Variants in ACLY observed in about 807,000 individuals in gnomAD.
The protein encoded by ACLY is ATP-citrate synthase.
A neutral mutation model predicts 133.0 loss-of-function variants in ACLY; 41 were observed. The observed-to-expected ratio is 0.31, with a 90% confidence interval of 0.24 to 0.40. ACLY has a LOEUF of 0.40. ACLY is among the 10% of genes least tolerant of loss of function. The pLI, the probability that ACLY is intolerant of heterozygous loss-of-function variation, is 1.00. For missense variants in ACLY, 1,046 were observed against 1,453.8 expected (o/e 0.72, Z 4.56); for synonymous variants, 495 against 549.3 (o/e 0.90, Z 1.38).
intron 8 of ACLY, among the ~76,000 whole-genome samples, 172 bp downstream of exon 8, chr17:41,906,356 T>A (rs782659267): frequency 4.6e-5 from 7 of 152,176 alleles, no homozygotes; most frequent in Non-Finnish European, 8.8e-5. Context: ...TAGAAGACAC[T>A]GGGTGCAGGA....
At chr17:41,898,859 G>A in intron 11 of ACLY, 74 bp from the exon 12 acceptor site, 1 of 1,471,294 alleles carries the variant, frequency 6.8e-7, no homozygotes, top group Non-Finnish European at 9.2e-7. Flanking sequence ...ACCCTGCAAA[G>A]GGCCTTTTAC....
Position 41,915,482 on chromosome 17 carries a change from C to T in ACLY, c.-23-1586G>A, listed in dbSNP as rs1446868640. On this transcript the variant is annotated intron_variant, in intron 1 of 28. Transcript: ENST00000352035. ...GGGCTACATTGCGCCCCCTCCCAATCGGCCAGGCTGGTGGGGCTTCAGGTT... is the reference window on the plus strand; with the variant it reads ...GGGCTACATTGCGCCCCCTCCCAATTGGCCAGGCTGGTGGGGCTTCAGGTT... 2.0e-5 allele frequency among the ~76,000 whole-genome samples: 3 copies of T among 152,318 alleles called. No individual in the cohort carries two copies. The East Asian group carries it at 5.8e-4, about 29-fold the overall frequency.
At chr17:41,920,121 G>A (rs1305739674), upstream of ACLY, among the ~76,000 whole-genome samples, 10 of 152,180 alleles carry the variant, frequency 6.6e-5, no homozygotes, top group Admixed American at 5.9e-4. Flanking sequence ...ACAGTGTTGC[G>A]ACATTTGCAG....
At chr17:41,884,169 A>T (rs1281758885) in intron 19 of ACLY, 24 bp downstream of exon 19, 20 of 1,250,548 alleles carry the variant, frequency 1.6e-5, no homozygotes, top group East Asian at 5.4e-5. Context: ...TAAAATCATA[A>T]TTTTTTTTTT....
chr17:41,899,835 A>G lies in ACLY; in HGVS notation c.1184-1050T>C, dbSNP rs545332254. ...TAGGCAGGTGGATCGCTTGAGTCCA[A>G]GAGTTCGAGACCAGCCTGGGCAACA... is the stretch of plus-strand genomic sequence containing the variant. On this transcript the variant is annotated intron_variant, in intron 11 of 28. Transcript: ENST00000352035. Among the ~76,000 whole-genome samples, 6 of 151,858 alleles carry G rather than the reference A, an allele frequency of 4.0e-5. No homozygotes were observed. The South Asian group carries it at 1.2e-3, about 32-fold the overall frequency.
At chr17:41,912,163 A>T (rs1189702765) in intron 3 of ACLY, among the ~76,000 whole-genome samples, 1 of 151,994 alleles carries the variant, frequency 6.6e-6, no homozygotes, top group Non-Finnish European at 1.5e-5. Context: ...CTTGAATTAT[A>T]TTGAGGTTAC....
intron 23 of ACLY, among the ~76,000 whole-genome samples, 179 bp from the exon 24 acceptor site, chr17:41,872,361 T>G (rs1425779731): frequency 6.6e-6 from 1 of 152,230 alleles, no homozygotes; most frequent in Non-Finnish European, 1.5e-5. Context: ...AGTCTCATTC[T>G]GTCGCCTAGG....
At position 41,874,808 on chromosome 17, in the gene ACLY, C is replaced by CATG. The variant is rs555548015; in HGVS notation, c.2488-846_2488-844dup. Among the ~76,000 whole-genome samples the CATG allele has an allele frequency of 6.3e-4, 88 of 140,528 alleles. 1 individual carries two copies. The South Asian group carries it at 0.019, about 30-fold the overall frequency. 92.2% of individuals were successfully genotyped at this position (140,528 alleles called of 152,430 possible). A position where few individuals can be genotyped will look rare whatever the true frequency, so the allele number is the denominator to read the frequency against. ...CAGGATGGTCTCAATCTCCTGACCT[C>CATG]ATGATCCGCCTGCCTCGGCCTCCCA... On this transcript the variant is annotated intron_variant, in intron 22 of 28. Transcript: ENST00000352035.
intron 1 of ACLY, among the ~76,000 whole-genome samples, chr17:41,924,133 ATTTATTTATTT>A (rs1226090134): frequency 1.0e-4 from 14 of 133,778 alleles, no homozygotes; most frequent in Non-Finnish European, 2.1e-4. Flanking sequence ...TTTTCTTTTT[ATTTATTTATTT>A]TTTATTTATT....
intron 13 of ACLY, 57 bp from the exon 14 acceptor site, chr17:41,896,706 G>A (rs2049377484): frequency 1.3e-6 from 2 of 1,491,960 alleles, no homozygotes; most frequent in Non-Finnish European, 1.8e-6. Context: ...GGAGGCTTTG[G>A]AGGGAGAGGG....
chr17:41,922,507 G>A (rs1176463600), upstream of ACLY, among the ~76,000 whole-genome samples: 1 of 151,498 alleles, frequency 6.6e-6, no homozygotes, highest in Non-Finnish European at 1.5e-5. Context: ...GGTCATCCAG[G>A]CGGGACATAA....
intron 17 of ACLY, 114 bp from the exon 18 acceptor site, chr17:41,886,422 T>C (rs1597993385): frequency 1.9e-6 from 2 of 1,077,036 alleles, no homozygotes; most frequent in Non-Finnish European, 2.6e-6. Flanking sequence ...GGGGAGAGAA[T>C]GACCAAGAGA....
At position 41,886,143 on chromosome 17, in the gene ACLY, C is replaced by A. The variant is rs201998406; in HGVS notation, c.2041G>T (p.Val681Phe). The change falls in exon 18 of 29, where the codon GTC (valine) becomes TTC (phenylalanine). Residue 681 changes from valine to phenylalanine, a missense_variant. Val to Phe is a conservative substitution (Grantham distance 50, BLOSUM62 -1). This residue lies in a region of ACLY where 575 missense variants were observed against 804.2 expected (regional missense o/e 0.71). Transcript: ENST00000352035. ...NNIISRTTDG[V>F]YEGVAIGGDR... is the part of the protein sequence containing the mutation. ...CCACCAATGGCCACGCCCTCATAGA[C>A]GCCATCCGTGGTCCGAGAGATGATA... 6.2e-7 allele frequency: 1 copy of A among 1,613,970 alleles called. No individual in the cohort carries two copies. The highest frequency in any genetic ancestry group is 8.5e-7 in the Non-Finnish European group (1 of 1,179,986).
intron 1 of ACLY, among the ~76,000 whole-genome samples, chr17:41,926,727 G>A (rs781359842): frequency 1.3e-5 from 2 of 152,112 alleles, no homozygotes; most frequent in Non-Finnish European, 2.9e-5. Context: ...GACCTCAGGT[G>A]ATCCGCCCGC....
intron 1 of ACLY, 143 bp from the exon 2 acceptor site, chr17:41,914,039 C>T: frequency 1.3e-6 from 1 of 776,550 alleles, no homozygotes; most frequent in Non-Finnish European, 2.0e-6. Flanking sequence ...AAAATGCTGT[C>T]CCAGCGGGAG....
At chr17:41,893,558 T>C (rs782011164) in intron 14 of ACLY, among the ~76,000 whole-genome samples, 8 of 152,284 alleles carry the variant, frequency 5.3e-5, no homozygotes, top group African/African-American at 1.2e-4. Flanking sequence ...TTTAAAGTCA[T>C]TGGAAAAAAA....
intron 22 of ACLY, among the ~76,000 whole-genome samples, chr17:41,876,051 G>A (rs1424701818): frequency 2.0e-5 from 3 of 151,318 alleles, no homozygotes; most frequent in East Asian, 3.9e-4. Flanking sequence ...GTCTCTGCCC[G>A]GCCGCCCATC....
chr17:41,883,569 C>T (rs910510290), intron 19 of ACLY, among the ~76,000 whole-genome samples: 1 of 141,996 alleles, frequency 7.0e-6, no homozygotes, highest in African/African-American at 2.6e-5. Context: ...TTTTAAAAAG[C>T]GCTTTTTTTT....
intron 22 of ACLY, among the ~76,000 whole-genome samples, chr17:41,874,947 C>T (rs2048695713): frequency 7.0e-6 from 1 of 143,376 alleles, no homozygotes; most frequent in Admixed American, 7.0e-5. Context: ...AAAAATGAGG[C>T]TTAGAGAGGC....
Sources: allele counts gnomAD v4.1 joint callset (sites outside exome capture counted in the v4.1 genomes callset), GRCh38; gene constraint gnomAD v4.1.1; regional missense constraint gnomAD v4.1.1; transcripts MANE v1.5; gene names NCBI Gene and HGNC (gene_info 2026-07-23, HGNC 2026-07-21).